PRKN: variants seen among roughly 807,000 people sequenced by gnomAD.
PRKN encodes the protein parkin RBR E3 ubiquitin protein ligase, also known as E3 ubiquitin-protein ligase parkin.
A neutral mutation model predicts 59.5 loss-of-function variants in PRKN; 56 were observed. The observed-to-expected ratio is 0.94, with a 90% CI of 0.76 to 1.18. PRKN has a LOEUF of 1.18. Ranked by LOEUF, PRKN falls within the 50% of genes most tolerant of loss-of-function variation. The probability of loss-of-function intolerance (pLI) is 0.00; values close to 1 mark genes in which losing one functional copy is unlikely to be tolerated. For synonymous variants in PRKN, 250 were observed against 222.1 expected (o/e 1.13, Z -1.12); for missense variants, 657 against 596.4 (o/e 1.10, Z -1.06).
intron 1 of PRKN, among the ~76,000 whole-genome samples, chr6:162,474,457 A>G (rs1220434512): frequency 2.0e-5 from 3 of 152,144 alleles, no homozygotes; most frequent in East Asian, 1.9e-4. Context: ...ATCCCATGTC[A>G]ATTGTTAAAA....
At chr6:161,920,080 T>C (rs1778720928) in intron 6 of PRKN, among the ~76,000 whole-genome samples, 1 of 152,202 alleles carries the variant, frequency 6.6e-6, no homozygotes, top group South Asian at 2.1e-4. Context: ...CTGGACTGAA[T>C]ACTGTTGGAA....
intron 4 of PRKN, among the ~76,000 whole-genome samples, chr6:162,176,549 T>C (rs1783546707): frequency 6.6e-6 from 1 of 152,116 alleles, no homozygotes; most frequent in South Asian, 2.1e-4. Flanking sequence ...GGCCCCTTCA[T>C]CACACCACAT....
At chr6:161,862,738 C>T (rs926439101) in intron 6 of PRKN, among the ~76,000 whole-genome samples, 1 of 151,968 alleles carries the variant, frequency 6.6e-6, no homozygotes, top group Non-Finnish European at 1.5e-5. Context: ...AGCTTCCCTT[C>T]CATTCAGAGG....
intron 3 of PRKN, among the ~76,000 whole-genome samples, chr6:162,213,086 C>T (rs1777460555): frequency 6.6e-6 from 1 of 152,092 alleles, no homozygotes; most frequent in Non-Finnish European, 1.5e-5. Flanking sequence ...GATAATTTAT[C>T]AGTCAGTATC....
At chr6:161,904,537 G>C (rs1228861595) in intron 6 of PRKN, among the ~76,000 whole-genome samples, 1 of 151,974 alleles carries the variant, frequency 6.6e-6, no homozygotes, top group Non-Finnish European at 1.5e-5. Flanking sequence ...GGACGGTCTC[G>C]ATCTCCTGAC....
intron 9 of PRKN, among the ~76,000 whole-genome samples, chr6:161,492,406 G>A (rs1335813138): frequency 2.0e-5 from 3 of 152,218 alleles, no homozygotes; most frequent in Non-Finnish European, 4.4e-5. Context: ...GTTCAAAAAT[G>A]AGGTGCATTA....
rs530092788 is a variant in PRKN at position 162,443,419 on chromosome 6, G to T, written c.62C>A (p.Thr21Asn). ...HGFPVEVDSD[T>N]SIFQLKEVVA... Reference sequence around the variant, plus strand: ...CACCTCCTTGAGCTGGAAGATGCTGGTGTCAGAATCGACCTCCACTGGGAA... The same window carrying T: ...CACCTCCTTGAGCTGGAAGATGCTGTTGTCAGAATCGACCTCCACTGGGAA... Residue 21 changes from threonine to asparagine, a missense_variant, in exon 2 of 12, where the codon ACC (threonine) becomes AAC (asparagine). Physicochemically the swap from Thr to Asn is moderately conservative, Grantham distance 65 (BLOSUM62 0). Coordinates refer to ENST00000366898, the MANE Select transcript of PRKN (RefSeq NM_004562.3). 3.1e-6 allele frequency: 5 copies of T among 1,614,070 alleles called. No homozygotes were observed. In the African/African-American group the frequency reaches 5.3e-5, roughly 17 times the overall value.
intron 7 of PRKN, among the ~76,000 whole-genome samples, chr6:161,619,338 T>C (rs1185836103): frequency 6.6e-6 from 1 of 151,482 alleles, no homozygotes; most frequent in Non-Finnish European, 1.5e-5. Flanking sequence ...TTTTTTTTTT[T>C]TTCTTCTCCT....
In PRKN at chr6:161,611,309, CTCT is replaced by C. The variant is rs1379394923; in HGVS notation, c.872-41896_872-41894del. ...CTTCTCTCTTACAGCACAGGCACAC[CTCT>C]TCTTCTTGTGTGTCACTTCACTGCA... On this transcript the variant is annotated intron_variant, in intron 7 of 11. Coordinates refer to ENST00000366898, the MANE Select transcript of PRKN (RefSeq NM_004562.3). 5.9e-5 allele frequency among the ~76,000 whole-genome samples: 9 copies of C among 152,290 alleles called. No homozygotes were observed. The East Asian group carries it at 7.7e-4, about 13-fold the overall frequency.
Position 161,378,625 on chromosome 6 carries a change from T to C in PRKN, c.1167+8169A>G, listed in dbSNP as rs1785831740. 6.6e-6 allele frequency among the ~76,000 whole-genome samples: 1 copy of C among 152,196 alleles called. No homozygotes were observed. The highest frequency in any genetic ancestry group is 2.1e-4 in the South Asian group (1 of 4,824). On this transcript the variant is annotated intron_variant, in intron 10 of 11. Coordinates refer to ENST00000366898, the MANE Select transcript of PRKN (RefSeq NM_004562.3). This position sits in a 1 kb window ranked among gnomAD's most constrained non-coding sequence, Gnocchi z 7.3. ...TGCCGGCACCCTGCATGGCACTGCA[T>C]TGTGTCCCAGTGGGTGCATACCCAT...
intron 4 of PRKN, among the ~76,000 whole-genome samples, chr6:162,112,172 G>A (rs1384969653): frequency 6.6e-6 from 1 of 152,172 alleles, no homozygotes; most frequent in East Asian, 1.9e-4. Context: ...GAATATCTTT[G>A]CAACCTTCAA....
At chr6:162,079,573 T>TA (rs1279438290) in intron 4 of PRKN, among the ~76,000 whole-genome samples, 2 of 152,048 alleles carry the variant, frequency 1.3e-5, no homozygotes, top group African/African-American at 4.8e-5. Context: ...ATCCCCTGTT[T>TA]AAACCCCTCT....
At chr6:162,393,918 T>C (rs1165945091) in intron 2 of PRKN, among the ~76,000 whole-genome samples, 3 of 152,198 alleles carry the variant, frequency 2.0e-5, no homozygotes, top group Non-Finnish European at 4.4e-5. Flanking sequence ...CTAAACCATA[T>C]TATTTCTCAG....
intron 4 of PRKN, among the ~76,000 whole-genome samples, chr6:162,078,146 T>C (rs1778910139): frequency 7.3e-6 from 1 of 137,304 alleles, no homozygotes; most frequent in South Asian, 2.3e-4. Flanking sequence ...CAAACTGGCT[T>C]CATTAAAAAA....
chr6:161,728,511 T>C (rs145157260), intron 7 of PRKN, among the ~76,000 whole-genome samples: 3,620 of 152,172 alleles, frequency 0.024, 44 homozygotes, highest in Non-Finnish European at 0.033. Context: ...GTAGAATATA[T>C]AGCAGGAGAA....
intron 6 of PRKN, among the ~76,000 whole-genome samples, chr6:161,956,508 C>G (rs1051218606): frequency 1.3e-5 from 2 of 152,158 alleles, no homozygotes; most frequent in African/African-American, 2.4e-5. Flanking sequence ...GTACAGTGCT[C>G]TCTCAGGAAA....
chr6:162,393,455 C>T (rs1787318165), intron 2 of PRKN, among the ~76,000 whole-genome samples: 1 of 151,942 alleles, frequency 6.6e-6, no homozygotes, highest in African/African-American at 2.4e-5. Flanking sequence ...CCACCATACC[C>T]GGCCGAGGCT....
intron 2 of PRKN, among the ~76,000 whole-genome samples, chr6:162,277,741 A>C (rs1780699263): frequency 6.6e-6 from 1 of 152,124 alleles, no homozygotes; most frequent in Non-Finnish European, 1.5e-5. Context: ...ACCACTACAC[A>C]CCAATTAGAA....
intron 2 of PRKN, among the ~76,000 whole-genome samples, chr6:162,320,362 CAAA>C (rs55793911): frequency 0.41 from 2,996 of 7,266 alleles, 607 homozygotes; most frequent in Middle Eastern, 0.67. Flanking sequence ...TACAAAAAGC[CAAA>C]AAAAAAAAAA....
Sources: allele counts gnomAD v4.1 joint callset (sites outside exome capture counted in the v4.1 genomes callset), GRCh38; gene constraint gnomAD v4.1.1; non-coding constraint Gnocchi (gnomAD v3.1); transcripts MANE v1.5; gene names NCBI Gene and HGNC (gene_info 2026-07-23, HGNC 2026-07-21).